Variants in TTC7A observed in about 807,000 individuals in gnomAD.
The protein encoded by TTC7A is tetratricopeptide repeat domain 7A.
In TTC7A, 110 loss-of-function variants were observed where a neutral mutation model predicts 103.7. The ratio of observed to expected loss-of-function variants is 1.06; its 90% CI spans 0.91 to 1.24. The LOEUF (loss-of-function observed/expected upper bound fraction) is 1.24, where lower values mean the gene tolerates loss of function less well. Among genes scored for constraint, TTC7A ranks in the 50% most tolerant of loss-of-function variants. The pLI is 0.00. For missense variants in TTC7A, 1,340 were observed against 1,116.3 expected (o/e 1.20, Z -2.86); for synonymous variants, 521 against 467.9 (o/e 1.11, Z -1.47).
At chr2:46,946,287 T>G (rs1670932261) in intron 1 of TTC7A, among the ~76,000 whole-genome samples, 1 of 152,140 alleles carries the variant, frequency 6.6e-6, no homozygotes, top group Admixed American at 6.5e-5. Flanking sequence ...TGCCCCTGGG[T>G]AGAGAGAAGC....
intron 10 of TTC7A, among the ~76,000 whole-genome samples, chr2:47,009,054 C>G (rs114944321): frequency 9.4e-4 from 143 of 152,244 alleles, no homozygotes; most frequent in African/African-American, 3.1e-3. Flanking sequence ...ATCCAGAGTT[C>G]AGCAGCCATG....
intron 4 of TTC7A, among the ~76,000 whole-genome samples, chr2:46,977,158 C>G (rs944081437): frequency 6.6e-6 from 1 of 152,232 alleles, no homozygotes; most frequent in Non-Finnish European, 1.5e-5. Context: ...TGTACTGTCC[C>G]TGTCAAAGGT....
Position 46,975,563 on chromosome 2 carries a change from C to T in TTC7A, c.648+460C>T, listed in dbSNP as rs192720919. On this transcript the variant is annotated intron_variant, in intron 4 of 19. Transcript: ENST00000319190. ...GGCAGGGCTCTGGCAGTTTTCAGAT[C>T]CCCCTCCCTCCCCACTCCCTGTGGT... Among the ~76,000 whole-genome samples, 738 of 151,968 alleles carry T rather than the reference C, an allele frequency of 4.9e-3. 5 individuals carry two copies. Among genetic ancestry groups the T allele is most frequent in the Non-Finnish European group, 8.8e-3 (595 of 67,960 alleles).
upstream of TTC7A, among the ~76,000 whole-genome samples, chr2:46,939,088 C>A (rs1259980015): frequency 6.6e-6 from 1 of 151,114 alleles, no homozygotes; most frequent in Non-Finnish European, 1.5e-5. Context: ...CCAGCCTGGG[C>A]AACACAGCAA....
At chr2:46,989,290 T>C (rs1675360268) in intron 5 of TTC7A, among the ~76,000 whole-genome samples, 1 of 152,236 alleles carries the variant, frequency 6.6e-6, no homozygotes, top group Non-Finnish European at 1.5e-5. Flanking sequence ...AGGGTTTGTT[T>C]GAGGCCCTGT....
chr2:47,039,324 G>T (rs1334232098), intron 15 of TTC7A, among the ~76,000 whole-genome samples: 1 of 152,184 alleles, frequency 6.6e-6, no homozygotes, highest in African/African-American at 2.4e-5. Flanking sequence ...ATGTGCACCC[G>T]ACGTGCTTGC....
chr2:47,025,589 C>G (rs1679814689), intron 14 of TTC7A, among the ~76,000 whole-genome samples: 1 of 152,192 alleles, frequency 6.6e-6, no homozygotes, highest in African/African-American at 2.4e-5. Flanking sequence ...TGTCCCGGTG[C>G]CTGTGTCTGT....
In TTC7A at chr2:47,073,906, A is replaced by G. The variant is rs1412412264; in HGVS notation, c.2560A>G (p.Ile854Val). 19 of 1,612,148 alleles carry G rather than the reference A, an allele frequency of 1.2e-5. No individual in the cohort carries two copies. In the East Asian group the frequency reaches 4.2e-4, roughly 36 times the overall value. ...ASSPVLPFSI[I>V]PREL ...CAGCCCTGTACTGCCCTTCTCCATC[A>G]TCCCCAGAGAGCTCTGACGACGCTG... Residue 854 changes from isoleucine (I) to valine (V), a missense_variant, in exon 20 of 20, where the codon ATC becomes GTC. Ile to Val is a conservative substitution (Grantham distance 29). Coordinates refer to ENST00000319190, the MANE Select transcript of TTC7A (RefSeq NM_020458.4).
At chr2:46,921,934 C>G (rs916024861) in intron 2 of TTC7A, among the ~76,000 whole-genome samples, 2 of 152,232 alleles carry the variant, frequency 1.3e-5, no homozygotes, top group African/African-American at 4.8e-5. Context: ...TGCTCACTTC[C>G]TGCTGTGCAG....
chr2:46,933,340 G>A (rs1261212613), intron 2 of TTC7A, among the ~76,000 whole-genome samples: 1 of 152,232 alleles, frequency 6.6e-6, no homozygotes, highest in African/African-American at 2.4e-5. Flanking sequence ...TCATCTCCAA[G>A]TGTGGGAAAA....
chr2:47,025,755 C>G (rs1294230279), intron 14 of TTC7A, among the ~76,000 whole-genome samples: 1 of 152,142 alleles, frequency 6.6e-6, no homozygotes, highest in Non-Finnish European at 1.5e-5. Flanking sequence ...TCTTGCACTG[C>G]CCCTCCCCCT....
intron 18 of TTC7A, among the ~76,000 whole-genome samples, chr2:47,059,863 T>G (rs1187555765): frequency 6.6e-6 from 1 of 152,104 alleles, no homozygotes; most frequent in African/African-American, 2.4e-5. Context: ...AGTGGGGTAA[T>G]AAAAGTACTT....
rs1672156709 is a variant in TTC7A, at chr2:46,959,075, G to A, written c.517+2068G>A. 2.0e-5 allele frequency among the ~76,000 whole-genome samples: 3 copies of A among 152,250 alleles called. No individual in the cohort carries two copies. The South Asian group carries it at 6.2e-4, about 32-fold the overall frequency. ...GACTCATGCGCGGATCTCACAGGAAGTGGCAGAGGCAGGATTTGAACCCAG... is the reference window on the plus strand; with the variant it reads ...GACTCATGCGCGGATCTCACAGGAAATGGCAGAGGCAGGATTTGAACCCAG... On this transcript the variant is annotated intron_variant, in intron 3 of 19. Coordinates refer to ENST00000319190, the MANE Select transcript of TTC7A (RefSeq NM_020458.4).
rs771969516 is a variant in TTC7A, at chr2:46,975,024, CAG to C, written c.574_575del (p.Arg192GlyfsTer9). 6 of 1,613,982 alleles carry C rather than the reference CAG, an allele frequency of 3.7e-6. No homozygotes were observed. The highest frequency in any genetic ancestry group is 1.3e-5 in the African/African-American group (1 of 74,920). On this transcript the variant is annotated frameshift_variant, in exon 4 of 20. Transcript: ENST00000319190. LOFTEE classifies it high-confidence loss of function. ...TCCATCGCCTCCCGCTTCCGCCTGA[CAG>C]AGAGGGAGGAGGAAGTGATCACCTG...
At chr2:47,055,253 C>G (rs924138201) in intron 18 of TTC7A, among the ~76,000 whole-genome samples, 16 of 152,194 alleles carry the variant, frequency 1.1e-4, no homozygotes, top group African/African-American at 3.9e-4. Flanking sequence ...TGGTTTGGTT[C>G]AAGATAAATT....
intron 19 of TTC7A, among the ~76,000 whole-genome samples, chr2:47,063,362 C>A (rs1276103790): frequency 1.3e-5 from 2 of 152,218 alleles, no homozygotes; most frequent in Non-Finnish European, 1.5e-5. Context: ...TCTCACCCCC[C>A]TTCAGTCCCT....
intron 2 of TTC7A, among the ~76,000 whole-genome samples, chr2:46,920,894 GAAAT>G (rs1333578737): frequency 2.0e-5 from 3 of 149,506 alleles, no homozygotes; most frequent in Non-Finnish European, 4.4e-5. Context: ...GGTACTTAAA[GAAAT>G]AAATATATGA....
intron 19 of TTC7A, among the ~76,000 whole-genome samples, chr2:47,064,914 G>A (rs538065185): frequency 6.6e-6 from 1 of 152,268 alleles, no homozygotes; most frequent in East Asian, 1.9e-4. Flanking sequence ...AGATTAACAA[G>A]GAAAAACAAA....
intron 15 of TTC7A, chr2:47,040,565 TCTTAGGTC>T (rs1215511620): frequency 6.6e-6 from 1 of 152,254 alleles, no homozygotes; most frequent in Non-Finnish European, 1.5e-5. Context: ...CATAAGCCTG[TCTTAGGTC>T]CTAGGAGTGA....
Sources: allele counts gnomAD v4.1 joint callset (sites outside exome capture counted in the v4.1 genomes callset), GRCh38; gene constraint gnomAD v4.1.1; transcripts MANE v1.5; gene names NCBI Gene and HGNC (gene_info 2026-07-23, HGNC 2026-07-21).